TMC8: variants seen among roughly 807,000 people sequenced by gnomAD.
TMC8 encodes the protein transmembrane channel-like protein 8.
TMC8 carries 71 observed loss-of-function variants against 76.0 expected under a neutral mutation model. The observed-to-expected ratio is 0.93, with a 90% confidence interval of 0.77 to 1.14. The LOEUF is 1.14. Among genes scored for constraint, TMC8 ranks in the 50% most tolerant of loss-of-function variants. The pLI is 0.00. For synonymous variants in TMC8, 433 were observed against 433.8 expected (o/e 1.00, Z 0.02); for missense variants, 924 against 947.9 (o/e 0.97, Z 0.33).
chr17:78,132,763 T>G (rs374134624), intron 4 of TMC8, 25 bp from the exon 5 acceptor site: 2 of 1,610,798 alleles, frequency 1.2e-6, no homozygotes, highest in Non-Finnish European at 1.7e-6. Context: ...GATCCCTCTC[T>G]ATTGACCCCC....
intron 1 of TMC8, 82 bp from the exon 2 acceptor site, chr17:78,131,199 G>C (rs1447582383): frequency 5.8e-6 from 2 of 347,410 alleles, no homozygotes; most frequent in Non-Finnish European, 1.1e-5. Flanking sequence ...AGGTGGATGC[G>C]GGGTGCAGCA....
intron 8 of TMC8, 97 bp from the exon 9 acceptor site, chr17:78,134,773 G>A: frequency 1.2e-5 from 19 of 1,592,164 alleles, no homozygotes; most frequent in Non-Finnish European, 1.5e-5. Context: ...CCTATTCTGG[G>A]CCTGCCCCAG....
At chr17:78,133,283 G>A (rs185928561) in intron 5 of TMC8, 123 bp from the exon 6 acceptor site, 5 of 1,508,094 alleles carry the variant, frequency 3.3e-6, no homozygotes, top group Non-Finnish European at 4.6e-6. Context: ...GTGGGCCCTT[G>A]TAAGACGGGA....
Position 78,131,540 on chromosome 17 carries a change from C to A in TMC8, c.-49C>A, listed in dbSNP as rs756036670. The A allele has an allele frequency of 1.3e-6, 2 of 1,533,834 alleles. No individual in the cohort carries two copies. Among genetic ancestry groups the A allele is most frequent in the Admixed American group, 2.0e-5 (1 of 50,930 alleles). ...GGCTCATCCAACCGGGGACTCATAT[C>A]CCCCCCACCGGCAGCCCGGCGCCCC... On this transcript the variant is annotated 5_prime_UTR_variant, in exon 2 of 16. Transcript: ENST00000318430.
At position 78,131,773 on chromosome 17, in the gene TMC8, G is replaced by T. The variant is rs533585445; in HGVS notation, c.149+36G>T. On this transcript the variant is annotated intron_variant, in intron 2 of 15. Transcript: ENST00000318430. Reference sequence around the variant, plus strand: ...CGCGGGCGCCAGACGGTGCGTGGGGGGGGTGCTGCGAGGCTGCCCCGTCGG... The same window carrying T: ...CGCGGGCGCCAGACGGTGCGTGGGGTGGGTGCTGCGAGGCTGCCCCGTCGG... 8 of 1,559,886 alleles carry T rather than the reference G, an allele frequency of 5.1e-6. No homozygotes were observed. In the African/African-American group the frequency reaches 1.1e-4, roughly 21 times the overall value.
chr17:78,139,799 G>A (rs1331608500), intron 15 of TMC8, among the ~76,000 whole-genome samples: 6 of 150,862 alleles, frequency 4.0e-5, no homozygotes, highest in African/African-American at 7.3e-5. Flanking sequence ...TTGGGAGGCC[G>A]AGGTGAGTGG....
rs780596418 is a variant in TMC8 at position 78,138,155 on chromosome 17, C to T, written c.1500C>T (p.Ser500=). The part of the protein sequence containing the change: ...FYCPLLPLLN[S]VFLFLTFYIK... ...GCCCCCTGCTGCCCCTGCTGAATAG[C>T]GTCTTCCTCTTCCTCACCTTCTACA... Residue 500 remains serine (S), a synonymous_variant, in exon 12 of 16, where the codon AGC becomes AGT. Coordinates refer to ENST00000318430, the MANE Select transcript of TMC8 (RefSeq NM_152468.5). The T allele has an allele frequency of 6.8e-6, 11 of 1,613,926 alleles. No homozygotes were observed. The highest frequency in any genetic ancestry group is 2.2e-5 in the South Asian group (2 of 91,074).
In TMC8 at chr17:78,138,820, A is replaced by T. The variant is rs536447314; in HGVS notation, c.1823+88A>T. The T allele has an allele frequency of 2.6e-5, 41 of 1,580,328 alleles. No individual in the cohort carries two copies. In the South Asian group the frequency reaches 3.9e-4, roughly 15 times the overall value. ...GGGGTGGTGAGCCTGTGCACCCCCA[A>T]CCAGGAGCCAGACGCAGAAAGCCAA... On this transcript the variant is annotated intron_variant, in intron 14 of 15. Coordinates refer to ENST00000318430, the MANE Select transcript of TMC8 (RefSeq NM_152468.5).
At chr17:78,138,953 G>A (rs1378453287) in intron 14 of TMC8, 1 of 1,537,562 alleles carries the variant, frequency 6.5e-7, no homozygotes, top group Non-Finnish European at 8.7e-7. Flanking sequence ...GGCTGCAGCT[G>A]CTGAGCTATT....
chr17:78,137,606 A>G (rs2075267485), intron 10 of TMC8, 111 bp from the exon 11 acceptor site: 2 of 1,171,092 alleles, frequency 1.7e-6, no homozygotes, highest in East Asian at 2.3e-5. Context: ...TAACGATTCT[A>G]TCAGACACCA....
rs545052827 is a variant in TMC8 at position 78,137,344 on chromosome 17, G to A, written c.1237G>A (p.Val413Ile). 8 of 1,613,842 alleles carry A rather than the reference G, an allele frequency of 5.0e-6. No individual in the cohort carries two copies. Among genetic ancestry groups the A allele is most frequent in the East Asian group, 4.5e-5 (2 of 44,894 alleles). ...CAGCTGTGAGTCCTACGGCTACAAC[G>A]TTTGTGACTATCAGGTGGCTGGCAG... ...KSSCESYGYN[V>I]CDYQCWENSV... Residue 413 changes from valine to isoleucine, a missense_variant, in exon 10 of 16, where the codon GTT (valine) becomes ATT (isoleucine). Physicochemically the swap from Val to Ile is conservative, Grantham distance 29 (BLOSUM62 3). Transcript: ENST00000318430.
intron 15 of TMC8, among the ~76,000 whole-genome samples, chr17:78,139,728 TAAAAAAA>T (rs34917993): frequency 4.8e-5 from 3 of 62,768 alleles, no homozygotes; most frequent in Admixed American, 1.8e-4. Flanking sequence ...CGTCTCTACT[TAAAAAAA>T]AAAAAAAAAA....
chr17:78,131,962 T>G lies in TMC8; in HGVS notation c.230T>G (p.Leu77Arg). 1 of 1,519,336 alleles carries G rather than the reference T, an allele frequency of 6.6e-7. No homozygotes were observed. The highest frequency in any genetic ancestry group is 8.8e-7 in the Non-Finnish European group (1 of 1,138,860). 94.1% of individuals were successfully genotyped at this position (1,519,336 alleles called of 1,614,324 possible). A position where few individuals can be genotyped will look rare whatever the true frequency, so the allele number is the denominator to read the frequency against. ...CGGCGGCAGACGGTGGAAAGGCGCC[T>G]GCGGGAGGCAGCGCAGCGGCTGGCC... ...QRRRQTVERR[L>R]REAAQRLARG... The change falls in exon 3 of 16, where the codon CTG becomes CGG. Residue 77 changes from leucine to arginine, a missense_variant. Transcript: ENST00000318430.
At chr17:78,135,695 TCAC>T (rs1471742600) in intron 9 of TMC8, among the ~76,000 whole-genome samples, 11 of 152,204 alleles carry the variant, frequency 7.2e-5, no homozygotes, top group Non-Finnish European at 1.3e-4. Flanking sequence ...CCACCCTCAG[TCAC>T]CACTTGCCCT....
chr17:78,131,119 G>A lies in TMC8; in HGVS notation c.-308-162G>A, dbSNP rs147352708. ...TGGGGTTTGGGACACAGGCTCTTCC[G>A]GAAGGGCAAACTGCCACGTGGAGAA... is the stretch of plus-strand genomic sequence containing the variant. On this transcript the variant is annotated intron_variant, in intron 1 of 15. Transcript: ENST00000318430. The A allele has an allele frequency of 5.3e-4, 121 of 230,044 alleles. 1 individual carries two copies. Among genetic ancestry groups the A allele is most frequent in the African/African-American group, 2.8e-3 (116 of 42,104 alleles). 14.3% of individuals were successfully genotyped at this position (230,044 alleles called of 1,614,324 possible). A position where few individuals can be genotyped will look rare whatever the true frequency, so the allele number is the denominator to read the frequency against.
Position 78,138,469 on chromosome 17 carries a change from G to A in TMC8, c.1654G>A (p.Val552Met), listed in dbSNP as rs1186853321. 2 of 1,613,500 alleles carry A rather than the reference G, an allele frequency of 1.2e-6. No individual in the cohort carries two copies. Among genetic ancestry groups the A allele is most frequent in the Non-Finnish European group, 1.7e-6 (2 of 1,180,000 alleles). Residue 552 changes from valine (V) to methionine (M), a missense_variant, in exon 13 of 16, where the codon GTG (valine) becomes ATG (methionine). Transcript: ENST00000318430. ...TCTGGCTGCAGTGCCCCTGGGCTAT[G>A]TGGTCAGCAGGTGAGGGGAAGAGGA... ...LLLAAVPLGY[V>M]VSSIHSSWDC... is the part of the protein sequence containing the mutation.
intron 15 of TMC8, 41 bp from the exon 16 acceptor site, chr17:78,140,793 A>T: frequency 6.3e-7 from 1 of 1,577,488 alleles, no homozygotes; most frequent in Non-Finnish European, 8.6e-7. Flanking sequence ...CGCTCGTGGG[A>T]AGCAGCGCCT....
chr17:78,132,191 C>A, intron 3 of TMC8, 161 bp downstream of exon 3: 2 of 1,388,198 alleles, frequency 1.4e-6, no homozygotes, highest in Non-Finnish European at 2.0e-6. Context: ...CACCGCAAAC[C>A]TCGGGCCCAC....
In TMC8 at chr17:78,138,154, G is replaced by GCATCTT. The variant is rs1308301028; in HGVS notation, c.1500_1501insATCTTC (p.Ser500_Val501insIlePhe). The GCATCTT allele has an allele frequency of 6.2e-7, 1 of 1,613,808 alleles. No individual in the cohort carries two copies. The highest frequency in any genetic ancestry group is 8.5e-7 in the Non-Finnish European group (1 of 1,180,002). ...TGCCCCCTGCTGCCCCTGCTGAATA[G>GCATCTT]CGTCTTCCTCTTCCTCACCTTCTAC... On this transcript the variant is annotated inframe_insertion, in exon 12 of 16. Transcript: ENST00000318430.
Sources: allele counts gnomAD v4.1 joint callset (sites outside exome capture counted in the v4.1 genomes callset), GRCh38; gene constraint gnomAD v4.1.1; transcripts MANE v1.5; gene names NCBI Gene and HGNC (gene_info 2026-07-23, HGNC 2026-07-21).